Variants in NEDD9 observed in about 807,000 individuals in gnomAD.
NEDD9 encodes enhancer of filamentation 1.
NEDD9 carries 26 observed loss-of-function variants against 76.6 expected under a neutral mutation model. That is an observed-to-expected ratio of 0.34 (90% CI 0.25 to 0.47). The LOEUF is 0.47. NEDD9 is among the 20% of genes least tolerant of loss of function. The pLI, the probability that NEDD9 is intolerant of heterozygous loss-of-function variation, is 1.00. For missense variants in NEDD9, 937 were observed against 1,058.5 expected (o/e 0.89, Z 1.59); for synonymous variants, 392 against 414.2 (o/e 0.95, Z 0.65).
chr6:11,347,985 A>G (rs562869272), intron 1 of NEDD9, among the ~76,000 whole-genome samples: 2 of 152,332 alleles, frequency 1.3e-5, no homozygotes, highest in South Asian at 2.1e-4. Flanking sequence ...CCAAATAGGA[A>G]GAGAGGAAGT....
At chr6:11,319,460 TG>T (rs1457982684) in intron 2 of NEDD9, among the ~76,000 whole-genome samples, 1 of 145,812 alleles carries the variant, frequency 6.9e-6, no homozygotes, top group Non-Finnish European at 1.5e-5. Context: ...ACACACACAC[TG>T]GTACACACTC....
At chr6:11,258,074 C>G (rs1321564553) in intron 3 of NEDD9, among the ~76,000 whole-genome samples, 3 of 152,212 alleles carry the variant, frequency 2.0e-5, no homozygotes, top group Non-Finnish European at 4.4e-5. Flanking sequence ...TGGAATTGCA[C>G]TCTTGAAGCA....
chr6:11,238,494 T>C (rs367946064), intron 3 of NEDD9, among the ~76,000 whole-genome samples: 1 of 152,250 alleles, frequency 6.6e-6, no homozygotes, highest in East Asian at 1.9e-4. Context: ...TCTTGAGTTG[T>C]GAGGAGGGCT....
chr6:11,321,197 G>C lies in NEDD9; in HGVS notation c.-153+13304C>G, dbSNP rs201349964. Reference sequence around the variant, plus strand: ...GGAAGGAGGGAGGGAAAGAAGGAAGGAGGGAGGGAAAGAAGGAAGGAGGGA... The same window carrying C: ...GGAAGGAGGGAGGGAAAGAAGGAAGCAGGGAGGGAAAGAAGGAAGGAGGGA... On this transcript the variant is annotated intron_variant, in intron 2 of 3. Coordinates refer to the NEDD9 transcript ENST00000397378. 3.5e-5 allele frequency among the ~76,000 whole-genome samples: 5 copies of C among 144,732 alleles called. No homozygotes were observed. The East Asian group carries it at 1.0e-3, about 30-fold the overall frequency. The allele number at this position is 144,732 out of a possible 152,430, so 94.9% of individuals were successfully genotyped here. A position where few individuals can be genotyped will look rare whatever the true frequency, so the allele number is the denominator to read the frequency against.
At chr6:11,361,223 A>C (rs993818424) in intron 1 of NEDD9, among the ~76,000 whole-genome samples, 1 of 152,184 alleles carries the variant, frequency 6.6e-6, no homozygotes, top group Non-Finnish European at 1.5e-5. Context: ...CTCTGGTTAA[A>C]GTCCAGCCAA....
At chr6:11,270,477 A>G (rs979056217) in intron 3 of NEDD9, among the ~76,000 whole-genome samples, 14 of 151,076 alleles carry the variant, frequency 9.3e-5, no homozygotes, top group African/African-American at 3.4e-4. Flanking sequence ...ACACTTATCT[A>G]CCTAAAATAA....
intron 2 of NEDD9, among the ~76,000 whole-genome samples, chr6:11,318,401 AAC>A (rs1173101573): frequency 6.6e-6 from 1 of 152,298 alleles, no homozygotes; most frequent in East Asian, 1.9e-4. Context: ...GGGGATGAGA[AAC>A]ACAGCCTCTG....
intron 3 of NEDD9, among the ~76,000 whole-genome samples, chr6:11,281,193 C>T (rs1760529920): frequency 6.6e-6 from 1 of 152,196 alleles, no homozygotes; most frequent in African/African-American, 2.4e-5. Flanking sequence ...CAAGAACTAC[C>T]CTTTTAAGTC....
rs1758846477 is a variant in NEDD9, at chr6:11,213,449, T to C, written c.291A>G (p.Pro97=). 2 of 1,613,962 alleles carry C rather than the reference T, an allele frequency of 1.2e-6. No homozygotes were observed. Among genetic ancestry groups the C allele is most frequent in the Admixed American group, 3.3e-5 (2 of 59,998 alleles). The stretch of plus-strand genomic sequence containing the variant: ...AGATGGTGTCTCGGGGAGCAGCCTG[T>C]GGGTTTGGCACTTGATAGAGCTTCT... ...GQQKLYQVPN[P]QAAPRDTIYQ... is the part of the protein sequence containing the mutation. The change falls in exon 2 of 7, where the codon CCA becomes CCG. Residue 97 remains proline (P), a synonymous_variant. Coordinates refer to ENST00000379446, the MANE Select transcript of NEDD9 (RefSeq NM_006403.4). This position sits in a 1 kb window ranked among gnomAD's most constrained non-coding sequence, Gnocchi z 5.4.
chr6:11,286,233 T>A (rs1246700982), intron 3 of NEDD9, among the ~76,000 whole-genome samples: 1 of 152,114 alleles, frequency 6.6e-6, no homozygotes, highest in African/African-American at 2.4e-5. Flanking sequence ...AATAAGCATA[T>A]GAAAAGATGC....
At chr6:11,350,820 C>G (rs958972937) in intron 1 of NEDD9, among the ~76,000 whole-genome samples, 1 of 152,022 alleles carries the variant, frequency 6.6e-6, no homozygotes, top group African/African-American at 2.4e-5. Context: ...ATACACATAG[C>G]GTAGGTAAAC....
rs1759704977 is a variant in NEDD9 at position 11,241,393 on chromosome 6, G to A, written c.13-27666C>T. Among the ~76,000 whole-genome samples, 1 of 152,178 alleles carries A rather than the reference G, an allele frequency of 6.6e-6. No individual in the cohort carries two copies. Among genetic ancestry groups the A allele is most frequent in the African/African-American group, 2.4e-5 (1 of 41,440 alleles). Reference sequence around the variant, plus strand: ...CCTACTTGCCATGGCATGACATCATGTGATATGATGCGACTTTGTAGCCCT... The same window carrying A: ...CCTACTTGCCATGGCATGACATCATATGATATGATGCGACTTTGTAGCCCT... On this transcript the variant is annotated intron_variant, in intron 3 of 3. Coordinates refer to the NEDD9 transcript ENST00000397378. This position sits in a 1 kb window ranked among gnomAD's most constrained non-coding sequence, Gnocchi z 4.0.
At chr6:11,338,935 A>G (rs1049117089) in intron 1 of NEDD9, among the ~76,000 whole-genome samples, 5 of 152,004 alleles carry the variant, frequency 3.3e-5, no homozygotes, top group Admixed American at 2.0e-4. Context: ...AAAAAAAAAA[A>G]AAATTAAACT....
chr6:11,202,136 T>C (rs1758472000), intron 2 of NEDD9, among the ~76,000 whole-genome samples: 1 of 152,244 alleles, frequency 6.6e-6, no homozygotes, highest in Non-Finnish European at 1.5e-5. Flanking sequence ...ATTCTCTGAA[T>C]TTAAAAGTAG....
intron 1 of NEDD9, among the ~76,000 whole-genome samples, chr6:11,230,739 C>T (rs894387038): frequency 1.3e-5 from 2 of 152,182 alleles, no homozygotes; most frequent in Admixed American, 6.5e-5. Context: ...CATGTATTTA[C>T]ATCATTTGGC....
chr6:11,232,442 A>C (rs115008498), intron 1 of NEDD9, 62 bp downstream of exon 1: 2 of 1,604,536 alleles, frequency 1.2e-6, no homozygotes, highest in East Asian at 2.2e-5. Flanking sequence ...CGCATACACA[A>C]GCACACACCC....
At position 11,213,745 on chromosome 6, in the gene NEDD9, G is replaced by T; in HGVS notation, c.13-18C>A. 2.5e-6 allele frequency: 4 copies of T among 1,610,306 alleles called. No individual in the cohort carries two copies. The highest frequency in any genetic ancestry group is 3.4e-6 in the Non-Finnish European group (4 of 1,177,236). On this transcript the variant is annotated intron_variant, in intron 1 of 6. Transcript: ENST00000379446. This position sits in a 1 kb window ranked among gnomAD's most constrained non-coding sequence, Gnocchi z 5.4. ...ATAAGATTCTAGGAGGGAAGGAAGA[G>T]AAGGAAACCGTGTTAGAATATTGGG...
chr6:11,271,951 G>A (rs1055975588), intron 3 of NEDD9: 6 of 152,146 alleles, frequency 3.9e-5, no homozygotes, highest in Non-Finnish European at 8.8e-5. Flanking sequence ...ACCACAATAA[G>A]CAACAAGACA....
At chr6:11,185,883 A>T (rs993956954) in intron 6 of NEDD9, among the ~76,000 whole-genome samples, 1 of 152,218 alleles carries the variant, frequency 6.6e-6, no homozygotes, top group South Asian at 2.1e-4. Context: ...ACCTTCTATG[A>T]TTGGACTACT....
Sources: gnomAD v4.1 joint callset for allele counts (sites outside exome capture counted in the v4.1 genomes callset) on GRCh38, gnomAD v4.1.1 for gene constraint, Gnocchi (gnomAD v3.1) non-coding constraint, MANE v1.5 for transcripts, NCBI Gene and HGNC (gene_info 2026-07-23, HGNC 2026-07-21) for gene names.